Variants in FADS3 observed in about 807,000 individuals in gnomAD.
The protein encoded by FADS3 is fatty acid desaturase 3, also known as cytochrome b5-related protein.
A neutral mutation model predicts 60.4 loss-of-function variants in FADS3; 30 were observed. That is an observed-to-expected ratio of 0.50 (90% CI 0.37 to 0.67). The LOEUF is 0.67. FADS3 is among the 30% of genes least tolerant of loss of function. FADS3 has a pLI of 0.00. For synonymous variants in FADS3, 234 were observed against 249.3 expected, an observed-to-expected ratio of 0.94 and a Z score of 0.58; for missense variants, 432 against 598.3, an observed-to-expected ratio of 0.72 and a Z score of 2.90.
intron 11 of FADS3, among the ~76,000 whole-genome samples, chr11:61,874,780 A>G (rs1363723255): frequency 6.6e-6 from 1 of 151,076 alleles, no homozygotes; most frequent in African/African-American, 2.4e-5. Flanking sequence ...TGCCCACCCT[A>G]CCACCTATTT....
Position 61,876,722 on chromosome 11 carries a change from CTTGTGT to C in FADS3, c.983+138_983+143del, listed in dbSNP as rs745648903. 1.7e-5 allele frequency: 13 copies of C among 787,872 alleles called. No individual in the cohort carries two copies. In the South Asian group the frequency reaches 1.9e-4, roughly 12 times the overall value. 48.8% of individuals were successfully genotyped at this position (787,872 alleles called of 1,614,324 possible). A position where few individuals can be genotyped will look rare whatever the true frequency, so the allele number is the denominator to read the frequency against. On this transcript the variant is annotated intron_variant, in intron 8 of 11. Transcript: ENST00000278829. This position sits in a 1 kb window ranked among gnomAD's most constrained non-coding sequence, Gnocchi z 5.7. ...CCACCGACCCTGGGCTCCTGCCACG[CTTGTGT>C]TTATGTGATTCCACCAGCAAGCCAG...
chr11:61,887,455 T>C (rs1216098144), intron 1 of FADS3, among the ~76,000 whole-genome samples: 1 of 152,132 alleles, frequency 6.6e-6, no homozygotes, highest in Non-Finnish European at 1.5e-5. Flanking sequence ...TCCCCAGGCT[T>C]CCCTGCTGTG....
Position 61,877,259 on chromosome 11 carries a change from G to C in FADS3, c.885+252C>G. Reference sequence around the variant, plus strand: ...TCAGCCCAGCAACTCCTCCTGGGAAGACACCCTCACCGAGAGAGACCCACA... The same window carrying C: ...TCAGCCCAGCAACTCCTCCTGGGAACACACCCTCACCGAGAGAGACCCACA... On this transcript the variant is annotated intron_variant, in intron 7 of 11. Transcript: ENST00000278829. The surrounding 1 kb of genome is among the most constrained non-coding windows in gnomAD (Gnocchi z 4.7). 2.0e-6 allele frequency: 1 copy of C among 509,228 alleles called. No homozygotes were observed. The highest frequency in any genetic ancestry group is 2.0e-5 in the African/African-American group (1 of 50,534). 31.5% of individuals were successfully genotyped at this position (509,228 alleles called of 1,614,324 possible). A position where few individuals can be genotyped will look rare whatever the true frequency, so the allele number is the denominator to read the frequency against.
chr11:61,884,244 T>A (rs1938232752), intron 1 of FADS3, among the ~76,000 whole-genome samples: 1 of 152,072 alleles, frequency 6.6e-6, no homozygotes, highest in African/African-American at 2.4e-5. Flanking sequence ...CACTCATAAG[T>A]GAGAGTTGAA....
rs375381434 is a variant in FADS3 at position 61,876,853 on chromosome 11, C to T, written c.983+13G>A. ...CTGTCGCCTGTGTGTGACCTCGCCA[C>T]TCCCTGCCATACCTGACAGCAACAA... On this transcript the variant is annotated intron_variant, in intron 8 of 11. Coordinates refer to ENST00000278829, the MANE Select transcript of FADS3 (RefSeq NM_021727.5). The surrounding 1 kb of genome is among the most constrained non-coding windows in gnomAD (Gnocchi z 5.7). 8.8e-6 allele frequency: 14 copies of T among 1,596,776 alleles called. No homozygotes were observed. Among genetic ancestry groups the T allele is most frequent in the Non-Finnish European group, 1.2e-5 (14 of 1,171,672 alleles).
rs1323665398 is a variant in FADS3, at chr11:61,878,218, G to A, written c.748-3C>T. ...TATCTGCGTTTCTTCTTGCCATACT[G>A]TGGAGACAGGCGGCGGCTGGAGACA... is the stretch of plus-strand genomic sequence containing the variant. On this transcript the variant is annotated splice_region_variant and splice_polypyrimidine_tract_variant and intron_variant, in intron 5 of 11. Coordinates refer to ENST00000278829, the MANE Select transcript of FADS3 (RefSeq NM_021727.5). 6.2e-7 allele frequency: 1 copy of A among 1,613,954 alleles called. No individual in the cohort carries two copies. Among genetic ancestry groups the A allele is most frequent in the African/African-American group, 1.3e-5 (1 of 74,930 alleles).
At chr11:61,878,378 G>A (rs1234255341) in intron 5 of FADS3, 134 bp downstream of exon 5, 47 of 1,410,460 alleles carry the variant, frequency 3.3e-5, no homozygotes, top group Non-Finnish European at 4.1e-5. Flanking sequence ...GGAAAGACAC[G>A]GGGGCAGAGC....
chr11:61,873,891 G>A (rs1425347043), intron 11 of FADS3, 26 bp from the exon 12 acceptor site: 1 of 1,525,918 alleles, frequency 6.6e-7, no homozygotes, highest in South Asian at 1.2e-5. Context: ...GGCAGTGGGG[G>A]TGGGTGTTAG....
chr11:61,875,167 C>T (rs893272931), intron 11 of FADS3, among the ~76,000 whole-genome samples: 1 of 152,144 alleles, frequency 6.6e-6, no homozygotes, highest in African/African-American at 2.4e-5. Context: ...TTCTAGAGGG[C>T]GTGTGAGGGG....
intron 1 of FADS3, chr11:61,882,098 G>GTTTTTTTTTTTTTTTTTTT (rs10585384): frequency 2.6e-5 from 1 of 37,886 alleles, no homozygotes; most frequent in Non-Finnish European, 5.2e-5. Context: ...CCCACTGGGT[G>GTTTTTTTTTTTTTTTTTTT]TTTTTTTTTT....
At position 61,877,437 on chromosome 11, in the gene FADS3, CA is replaced by C; in HGVS notation, c.885+73del. 3.5e-6 allele frequency: 5 copies of C among 1,411,966 alleles called. No individual in the cohort carries two copies. The South Asian group carries it at 5.7e-5, about 16-fold the overall frequency. 87.5% of individuals were successfully genotyped at this position (1,411,966 alleles called of 1,614,324 possible). On this transcript the variant is annotated intron_variant, in intron 7 of 11. Transcript: ENST00000278829. The surrounding 1 kb of genome is among the most constrained non-coding windows in gnomAD (Gnocchi z 4.7). ...TGTGCACCCTGTTTGCCTTCATGGG[CA>C]GGTACTGTCCCCCGAGGCACCACCT...
At chr11:61,889,982 G>T (rs1209824569) in intron 1 of FADS3, among the ~76,000 whole-genome samples, 2 of 152,188 alleles carry the variant, frequency 1.3e-5, no homozygotes, top group Non-Finnish European at 2.9e-5. Context: ...TGGCAGAAAG[G>T]CAGGCACACA....
Position 61,879,432 on chromosome 11 carries a change from G to C in FADS3, c.402C>G (p.Phe134Leu). ...GGATGTGGCCCAGTAGGAAAGCAAA[G>C]AAGGTGGGACTGGCATCAAACAGCT... ...DMKLFDASPT[F>L]FAFLLGHILA... The change falls in exon 3 of 12, where the codon TTC becomes TTG. Residue 134 changes from phenylalanine (F) to leucine (L), a missense_variant. Around this residue, in one of 5 missense-constraint regions of FADS3, gnomAD observed 116 missense variants for 208.9 expected, o/e 0.56. Transcript: ENST00000278829. The C allele has an allele frequency of 6.2e-7, 1 of 1,606,304 alleles. No individual in the cohort carries two copies. Among genetic ancestry groups the C allele is most frequent in the Non-Finnish European group, 8.5e-7 (1 of 1,177,118 alleles).
chr11:61,886,188 T>C (rs1938312077), intron 1 of FADS3: 1 of 152,370 alleles, frequency 6.6e-6, no homozygotes, highest in African/African-American at 2.4e-5. Context: ...CTCACAAGTG[T>C]CCCTGACCCC....
chr11:61,888,612 A>G (rs1343462453), intron 1 of FADS3, among the ~76,000 whole-genome samples: 1 of 152,228 alleles, frequency 6.6e-6, no homozygotes, highest in Non-Finnish European at 1.5e-5. Flanking sequence ...TCACCCAGGA[A>G]AGGGGTAGCC....
In FADS3 at chr11:61,873,882, G is replaced by GC. The variant is rs766892198; in HGVS notation, c.1287-18dup. The GC allele has an allele frequency of 4.5e-6, 7 of 1,571,448 alleles. No homozygotes were observed. Among genetic ancestry groups the GC allele is most frequent in the Non-Finnish European group, 6.1e-6 (7 of 1,148,078 alleles). ...TTCAGGGACCTGGGAGGTGGGGGTG[G>GC]CAGTGGGGGTGGGTGTTAGGAGCTC... is the stretch of plus-strand genomic sequence containing the variant. On this transcript the variant is annotated splice_polypyrimidine_tract_variant and intron_variant, in intron 11 of 11. Coordinates refer to ENST00000278829, the MANE Select transcript of FADS3 (RefSeq NM_021727.5).
At chr11:61,889,348 A>T (rs1423894761) in intron 1 of FADS3, among the ~76,000 whole-genome samples, 1 of 152,146 alleles carries the variant, frequency 6.6e-6, no homozygotes, top group Non-Finnish European at 1.5e-5. Flanking sequence ...AACAGTGATG[A>T]AATAAAAGCT....
rs879760244 is a variant in FADS3 at position 61,891,531 on chromosome 11, T to G, written c.-150A>C. 54 of 431,232 alleles carry G rather than the reference T, an allele frequency of 1.3e-4. No individual in the cohort carries two copies. Among genetic ancestry groups the G allele is most frequent in the Non-Finnish European group, 1.8e-4 (49 of 275,996 alleles). The allele number at this position is 431,232 out of a possible 1,614,324, so 26.7% of individuals were successfully genotyped here. ...GCCGCGGCCGCCGTACGAGCGAGCG[T>G]GCGCCTCCCGGCTCGCGGCGCAGGG... On this transcript the variant is annotated 5_prime_UTR_variant, in exon 1 of 12. Coordinates refer to ENST00000278829, the MANE Select transcript of FADS3 (RefSeq NM_021727.5).
At chr11:61,891,034 G>C in intron 1 of FADS3, 135 bp downstream of exon 1, 2 of 788,450 alleles carry the variant, frequency 2.5e-6, no homozygotes, top group South Asian at 3.4e-5. Context: ...CCCAACTCTG[G>C]GTCCCGGCGT....
Sources: allele counts gnomAD v4.1 joint callset (sites outside exome capture counted in the v4.1 genomes callset), GRCh38; gene constraint gnomAD v4.1.1; regional missense constraint gnomAD v4.1.1; non-coding constraint Gnocchi (gnomAD v3.1); transcripts MANE v1.5; gene names NCBI Gene and HGNC (gene_info 2026-07-23, HGNC 2026-07-21).